CWC27: variants seen among roughly 807,000 people sequenced by gnomAD.
CWC27 encodes spliceosome-associated protein CWC27 homolog.
Under a neutral mutation model 63.6 loss-of-function variants are expected in CWC27, and 47 were observed. That is an observed-to-expected ratio of 0.74 (90% CI 0.58 to 0.94). The LOEUF is 0.94. Among genes scored for constraint, CWC27 ranks in the 40% least tolerant of loss-of-function variants. The pLI is 0.00. For missense variants in CWC27, 495 were observed against 554.3 expected, an observed-to-expected ratio of 0.89 and a Z score of 1.07; for synonymous variants, 175 against 179.8, an observed-to-expected ratio of 0.97 and a Z score of 0.22.
intron 13 of CWC27, among the ~76,000 whole-genome samples, chr5:64,979,524 T>G (rs1376820870): frequency 6.6e-6 from 1 of 152,240 alleles, no homozygotes; most frequent in Non-Finnish European, 1.5e-5. Context: ...TTCTCAAGTC[T>G]CTGGTGATTT....
intron 13 of CWC27, among the ~76,000 whole-genome samples, chr5:64,978,701 G>A (rs1749277408): frequency 6.9e-6 from 1 of 145,422 alleles, no homozygotes; most frequent in Non-Finnish European, 1.5e-5. Context: ...AAAATGTTTT[G>A]CCAAGTCCTC....
chr5:64,920,502 G>C (rs1747976684), intron 11 of CWC27, among the ~76,000 whole-genome samples: 1 of 152,092 alleles, frequency 6.6e-6, no homozygotes, highest in African/African-American at 2.4e-5. Context: ...GAGTTAGGGA[G>C]GAATCCCCGT....
chr5:64,783,808 A>T, intron 3 of CWC27, 28 bp from the exon 4 acceptor site: 2 of 1,527,042 alleles, frequency 1.3e-6, no homozygotes, highest in East Asian at 4.9e-5. Context: ...ATAACTGAGG[A>T]CATTCACTAA....
At chr5:64,975,397 G>A (rs1749212076) in intron 12 of CWC27, among the ~76,000 whole-genome samples, 1 of 152,144 alleles carries the variant, frequency 6.6e-6, no homozygotes. Flanking sequence ...CTTATGAAAT[G>A]TGAGGATTTC....
chr5:64,828,323 A>G (rs1486862492), intron 10 of CWC27, among the ~76,000 whole-genome samples: 2 of 152,140 alleles, frequency 1.3e-5, no homozygotes, highest in Non-Finnish European at 2.9e-5. Flanking sequence ...AAATAGAATT[A>G]TGGAAGTTTA....
intron 13 of CWC27, among the ~76,000 whole-genome samples, chr5:64,989,755 G>C (rs1222971155): frequency 6.6e-6 from 1 of 152,188 alleles, no homozygotes; most frequent in Non-Finnish European, 1.5e-5. Flanking sequence ...ATTTTTGCAT[G>C]GTGTAGGCCA....
intron 11 of CWC27, among the ~76,000 whole-genome samples, chr5:64,933,202 C>G (rs560823110): frequency 2.0e-4 from 30 of 152,228 alleles, no homozygotes; most frequent in African/African-American, 7.2e-4. Flanking sequence ...AATTGCTGCT[C>G]TAGTTGATCT....
At chr5:64,776,832 G>A (rs1427093993) in intron 2 of CWC27, among the ~76,000 whole-genome samples, 1 of 152,072 alleles carries the variant, frequency 6.6e-6, no homozygotes, top group African/African-American at 2.4e-5. Flanking sequence ...ACAAGTAAGA[G>A]CGCAGTCTCA....
chr5:65,001,846 AG>A lies in CWC27; in HGVS notation c.1257-16311del, dbSNP rs992775341. On this transcript the variant is annotated intron_variant, in intron 13 of 13. Coordinates refer to ENST00000381070, the MANE Select transcript of CWC27 (RefSeq NM_005869.4). ...TAGTGATGGTCTCATAGAATGAATT[AG>A]GAAGAATTCTTTTATCTTCAATTTT... Among the ~76,000 whole-genome samples the A allele has an allele frequency of 5.7e-4, 87 of 151,412 alleles. 2 individuals carry two copies. Among genetic ancestry groups the A allele is most frequent in the African/African-American group, 2.1e-3 (85 of 41,178 alleles).
intron 11 of CWC27, among the ~76,000 whole-genome samples, chr5:64,964,507 A>G (rs920843580): frequency 1.3e-5 from 2 of 152,218 alleles, no homozygotes; most frequent in Non-Finnish European, 2.9e-5. Context: ...AAAGAAAATA[A>G]TTTAGTAGTA....
intron 10 of CWC27, among the ~76,000 whole-genome samples, chr5:64,862,194 G>T (rs1044969814): frequency 2.0e-5 from 3 of 151,516 alleles, no homozygotes; most frequent in African/African-American, 7.3e-5. Context: ...GAGTCAGGAT[G>T]CAAGGCACTG....
intron 10 of CWC27, among the ~76,000 whole-genome samples, chr5:64,848,939 GC>G (rs1746059753): frequency 6.6e-6 from 1 of 152,130 alleles, no homozygotes; most frequent in Admixed American, 6.6e-5. Flanking sequence ...AGGTAAGGAT[GC>G]CCATTCTCAC....
chr5:64,835,055 G>A (rs557144753), intron 10 of CWC27, among the ~76,000 whole-genome samples: 25 of 151,634 alleles, frequency 1.6e-4, no homozygotes, highest in African/African-American at 5.8e-4. Flanking sequence ...AACAGAAATG[G>A]ATAATTTTAT....
intron 11 of CWC27, among the ~76,000 whole-genome samples, chr5:64,938,356 A>G (rs1748403683): frequency 6.6e-6 from 1 of 151,952 alleles, no homozygotes; most frequent in Admixed American, 6.6e-5. Context: ...TTTCTCCTTC[A>G]CTTATGAAGC....
At position 64,923,794 on chromosome 5, in the gene CWC27, T is replaced by G. The variant is rs1349519364; in HGVS notation, c.1042+38248T>G. On this transcript the variant is annotated intron_variant, in intron 11 of 13. Coordinates refer to ENST00000381070, the MANE Select transcript of CWC27 (RefSeq NM_005869.4). ...AAGCTAACATTTTCAGCTCTCTTTTTAAAGTTTCCTTAAAACCAGTAGCGA... is the reference window on the plus strand; with the variant it reads ...AAGCTAACATTTTCAGCTCTCTTTTGAAAGTTTCCTTAAAACCAGTAGCGA... Among the ~76,000 whole-genome samples, 5 of 151,856 alleles carry G rather than the reference T, an allele frequency of 3.3e-5. No homozygotes were observed. The East Asian group carries it at 9.6e-4, about 29-fold the overall frequency.
chr5:64,961,387 C>T (rs1048307616), intron 11 of CWC27, among the ~76,000 whole-genome samples: 3 of 152,006 alleles, frequency 2.0e-5, no homozygotes, highest in African/African-American at 7.3e-5. Context: ...TTGGACATTT[C>T]CTTCCCAAGC....
chr5:64,998,013 A>G lies in CWC27; in HGVS notation c.1257-20146A>G, dbSNP rs1219872821. Among the ~76,000 whole-genome samples, 39 of 152,158 alleles carry G rather than the reference A, an allele frequency of 2.6e-4. 1 individual carries two copies. The highest frequency in any genetic ancestry group is 2.6e-3 in the Admixed American group (39 of 15,268). ...GGTCCTTTATAAATAGGTCGTTGTC[A>G]GAGTTGCTGACCCTGGAATTATGAT... On this transcript the variant is annotated intron_variant, in intron 13 of 13. Transcript: ENST00000381070.
At chr5:64,979,142 G>A (rs1035323130) in intron 13 of CWC27, among the ~76,000 whole-genome samples, 3 of 152,066 alleles carry the variant, frequency 2.0e-5, no homozygotes, top group Non-Finnish European at 4.4e-5. Flanking sequence ...TTTAAAACGG[G>A]GAAACTTCAC....
chr5:64,999,319 C>T (rs1749691303), intron 13 of CWC27, among the ~76,000 whole-genome samples: 1 of 151,976 alleles, frequency 6.6e-6, no homozygotes, highest in East Asian at 1.9e-4. Context: ...GTGTAATGAT[C>T]ACCTCAAACA....
Sources: gnomAD v4.1 joint callset for allele counts (sites outside exome capture counted in the v4.1 genomes callset) on GRCh38, gnomAD v4.1.1 for gene constraint, MANE v1.5 for transcripts, NCBI Gene and HGNC (gene_info 2026-07-23, HGNC 2026-07-21) for gene names.